The following DAGLA variants were observed in gnomAD, a reference collection of about 807,000 sequenced individuals.
DAGLA encodes diacylglycerol lipase alpha.
DAGLA carries 22 observed loss-of-function variants against 102.6 expected under a neutral mutation model. The ratio of observed to expected loss-of-function variants is 0.21; its 90% CI spans 0.15 to 0.31. The LOEUF (loss-of-function observed/expected upper bound fraction) is 0.31. Ranked by LOEUF, DAGLA falls within the 10% of genes least tolerant of loss-of-function variation. DAGLA has a pLI of 1.00. For missense variants in DAGLA, 927 were observed against 1,446.6 expected, an observed-to-expected ratio of 0.64 and a Z score of 5.83; for synonymous variants, 578 against 628.9, an observed-to-expected ratio of 0.92 and a Z score of 1.21.
At chr11:61,737,939 C>T (rs944995021) in intron 15 of DAGLA, among the ~76,000 whole-genome samples, 184 bp downstream of exon 15, 2 of 152,104 alleles carry the variant, frequency 1.3e-5, no homozygotes, top group African/African-American at 2.4e-5. Context: ...TGCTGGCGCC[C>T]GCCCTGCCTG....
intron 1 of DAGLA, among the ~76,000 whole-genome samples, chr11:61,695,554 T>C (rs980225237): frequency 5.3e-5 from 8 of 152,178 alleles, no homozygotes; most frequent in Non-Finnish European, 7.3e-5. Flanking sequence ...GGTCTGAGCC[T>C]CCCACCCCGC....
Position 61,720,811 on chromosome 11 carries a change from C to T in DAGLA, c.228C>T (p.Ile76=). ...GCTGCATGATCGCTGAGATGGCCAT[C>T]ATCTGGCTGAGCATGCGCGGGGGCA... ...LLSCMIAEMA[I]IWLSMRGGIL... is the part of the protein sequence containing the mutation. The change falls in exon 3 of 20, where the codon ATC becomes ATT. Residue 76 remains isoleucine (I), a synonymous_variant. Transcript: ENST00000257215. The T allele has an allele frequency of 1.2e-6, 2 of 1,613,822 alleles. No homozygotes were observed. The highest frequency in any genetic ancestry group is 1.7e-6 in the Non-Finnish European group (2 of 1,180,046).
chr11:61,701,296 G>A lies in DAGLA; in HGVS notation c.-44-18816G>A, dbSNP rs536527403. Among the ~76,000 whole-genome samples the A allele has an allele frequency of 2.0e-5, 3 of 152,364 alleles. No individual in the cohort carries two copies. In the South Asian group the frequency reaches 6.2e-4, roughly 32 times the overall value. On this transcript the variant is annotated intron_variant, in intron 1 of 19. Transcript: ENST00000257215. ...CATGTGTCCTACCAAGGCCCCAGAA[G>A]AGCAGAGAGGAGGCTGGGCTCTGAG... is the stretch of plus-strand genomic sequence containing the variant.
At chr11:61,682,581 A>G (rs969209779) in intron 1 of DAGLA, among the ~76,000 whole-genome samples, 68 of 152,202 alleles carry the variant, frequency 4.5e-4, no homozygotes, top group African/African-American at 1.6e-3. Context: ...CTTGGGCAGC[A>G]GACGTGCCTC....
rs542259166 is a variant in DAGLA, at chr11:61,690,975, G to T, written c.-45+10471G>T. ...GCCGGCCGTGGCAGGCGGCTTTCAG[G>T]CTCGCACAGCATGGCTCCTCTCACC... On this transcript the variant is annotated intron_variant, in intron 1 of 19. Transcript: ENST00000257215. Among the ~76,000 whole-genome samples, 6 of 152,300 alleles carry T rather than the reference G, an allele frequency of 3.9e-5. No individual in the cohort carries two copies. In the East Asian group the frequency reaches 7.7e-4, roughly 20 times the overall value.
chr11:61,741,054 C>T (rs2065474312), intron 18 of DAGLA, 108 bp from the exon 19 acceptor site: 3 of 1,111,654 alleles, frequency 2.7e-6, no homozygotes, highest in African/African-American at 3.1e-5. Flanking sequence ...CAAGTGACTC[C>T]ATGAGGCTTT....
chr11:61,718,919 T>C (rs1338619930), intron 1 of DAGLA, among the ~76,000 whole-genome samples: 1 of 152,158 alleles, frequency 6.6e-6, no homozygotes, highest in Non-Finnish European at 1.5e-5. Flanking sequence ...CCTCCCCGAA[T>C]GATGCCGGGC....
rs761453740 is a variant in DAGLA, at chr11:61,735,002, G to A, written c.1128G>A (p.Ala376=). Residue 376 remains alanine, a splice_region_variant and synonymous_variant, in exon 10 of 20, where the codon GCG becomes GCA. Coordinates refer to ENST00000257215, the MANE Select transcript of DAGLA (RefSeq NM_006133.3). ...VDIVYTSCHD[A]VYETPFYVAV... Reference sequence around the variant, plus strand: ...TCGTCTATACCTCCTGCCATGATGCGGTGAGGCCGGGCAGGGCTGGGGCCT... The same window carrying A: ...TCGTCTATACCTCCTGCCATGATGCAGTGAGGCCGGGCAGGGCTGGGGCCT... 65 of 1,612,682 alleles carry A rather than the reference G, an allele frequency of 4.0e-5. No individual in the cohort carries two copies. The highest frequency in any genetic ancestry group is 5.1e-5 in the Non-Finnish European group (60 of 1,179,152).
chr11:61,720,387 C>T (rs1220039439), intron 2 of DAGLA, 137 bp downstream of exon 2: 18 of 842,514 alleles, frequency 2.1e-5, no homozygotes, highest in Non-Finnish European at 3.2e-5. Context: ...GAGGAGGTGC[C>T]TGAAACATCT....
At chr11:61,729,033 C>G (rs751506604) in intron 8 of DAGLA, 25 bp downstream of exon 8, 2 of 1,597,010 alleles carry the variant, frequency 1.3e-6, no homozygotes, top group Non-Finnish European at 1.7e-6. Flanking sequence ...AACTCTCACC[C>G]CACCCCGTCC....
chr11:61,739,706 G>T (rs748199642), intron 17 of DAGLA, 45 bp downstream of exon 17: 1 of 1,588,646 alleles, frequency 6.3e-7, no homozygotes, highest in Non-Finnish European at 8.6e-7. Context: ...AGTGGCCAGG[G>T]CAGGGGCAGT....
chr11:61,703,633 T>C (rs977739988), intron 1 of DAGLA, among the ~76,000 whole-genome samples: 2 of 151,990 alleles, frequency 1.3e-5, no homozygotes, highest in Admixed American at 1.3e-4. Flanking sequence ...TGATGAACAG[T>C]GTAGAATGAC....
At position 61,743,526 on chromosome 11, in the gene DAGLA, C is replaced by T. The variant is rs763391729; in HGVS notation, c.2172-6C>T. 37 of 1,510,858 alleles carry T rather than the reference C, an allele frequency of 2.4e-5. No individual in the cohort carries two copies. The Admixed American group carries it at 5.3e-4, about 22-fold the overall frequency. The allele number at this position is 1,510,858 out of a possible 1,614,324, so 93.6% of individuals were successfully genotyped here. ...TTATACCCCCTGCTCTCCTCTCCCT[C>T]TGCAGGAGCAAGTCCCAGTCTGAGA... On this transcript the variant is annotated splice_region_variant and splice_polypyrimidine_tract_variant and intron_variant, in intron 19 of 19. Transcript: ENST00000257215.
At chr11:61,704,893 T>C (rs1425514356) in intron 1 of DAGLA, among the ~76,000 whole-genome samples, 1 of 152,088 alleles carries the variant, frequency 6.6e-6, no homozygotes, top group Non-Finnish European at 1.5e-5. Flanking sequence ...GAGAAATGCC[T>C]CAAACCCCCT....
intron 1 of DAGLA, among the ~76,000 whole-genome samples, chr11:61,715,162 C>G (rs1222496720): frequency 6.6e-6 from 1 of 152,190 alleles, no homozygotes; most frequent in Non-Finnish European, 1.5e-5. Context: ...ACCCCTTGCA[C>G]ACACTGTGGA....
Position 61,738,195 on chromosome 11 carries a change from C to A in DAGLA, c.1644C>A (p.Ser548Arg). ...AGCTCCTGGATGTCCTGCAGCGAAG[C>A]ACCAAGCCCAAAGTGAGCCCCCACC... is the stretch of plus-strand genomic sequence containing the variant. Reference protein sequence around the residue: ...RRQLLDVLQRSTKPKWRIIVG... With the variant: ...RRQLLDVLQRRTKPKWRIIVG... The change falls in exon 16 of 20, where the codon AGC (serine) becomes AGA (arginine). Residue 548 changes from serine to arginine, a missense_variant. Around this residue, in one of 4 missense-constraint regions of DAGLA, gnomAD observed 218 missense variants for 459.6 expected, o/e 0.47. Transcript: ENST00000257215. The A allele has an allele frequency of 6.2e-7, 1 of 1,612,852 alleles. No individual in the cohort carries two copies. The highest frequency in any genetic ancestry group is 8.5e-7 in the Non-Finnish European group (1 of 1,179,928).
intron 1 of DAGLA, among the ~76,000 whole-genome samples, chr11:61,700,280 C>T (rs184652282): frequency 1.2e-4 from 17 of 146,864 alleles, no homozygotes; most frequent in East Asian, 9.6e-4. Flanking sequence ...TTTATGGACA[C>T]GTCTGCGCCT....
chr11:61,719,381 A>G (rs1459411373), intron 1 of DAGLA, among the ~76,000 whole-genome samples: 3 of 152,080 alleles, frequency 2.0e-5, no homozygotes, highest in East Asian at 1.9e-4. Context: ...AAGGTGTCCC[A>G]AGCCCTACTC....
intron 1 of DAGLA, among the ~76,000 whole-genome samples, chr11:61,693,105 C>G (rs1176785727): frequency 5.3e-5 from 8 of 151,028 alleles, no homozygotes; most frequent in Non-Finnish European, 1.0e-4. Flanking sequence ...AAGCCATTCT[C>G]CTGCCTTAGC....
Sources: gnomAD v4.1 joint callset for allele counts (sites outside exome capture counted in the v4.1 genomes callset) on GRCh38, gnomAD v4.1.1 for gene constraint, gnomAD v4.1.1 regional missense constraint, MANE v1.5 for transcripts, NCBI Gene and HGNC (gene_info 2026-07-23, HGNC 2026-07-21) for gene names.